PID1: variants seen among roughly 807,000 people sequenced by gnomAD.
PID1 encodes PTB-containing, cubilin and LRP1-interacting protein.
In PID1, 10 loss-of-function variants were observed where a neutral mutation model predicts 19.1. That is an observed-to-expected ratio of 0.52 (90% CI 0.32 to 0.89). PID1 has a LOEUF of 0.89. Among genes scored for constraint, PID1 ranks in the 40% least tolerant of loss-of-function variants. PID1 has a pLI of 0.03. For synonymous variants in PID1, 130 were observed against 116.0 expected (o/e 1.12, Z -0.78); for missense variants, 248 against 285.3 (o/e 0.87, Z 0.94).
rs75131862 is a variant in PID1, at chr2:229,189,284, G to A, written c.31-33320C>T. ...GCAGAATCAATTTACACACTACCTGGGCCAATGTGAGGTCAATGCACAGCC... is the reference window on the plus strand; with the variant it reads ...GCAGAATCAATTTACACACTACCTGAGCCAATGTGAGGTCAATGCACAGCC... On this transcript the variant is annotated intron_variant, in intron 1 of 2. Transcript: ENST00000392055. Among the ~76,000 whole-genome samples the A allele has an allele frequency of 1.3e-3, 196 of 152,232 alleles. 8 individuals are homozygous for A. The East Asian group carries it at 0.034, about 26-fold the overall frequency.
chr2:229,109,355 A>G (rs902676345), intron 2 of PID1, among the ~76,000 whole-genome samples: 1 of 152,226 alleles, frequency 6.6e-6, no homozygotes, highest in Non-Finnish European at 1.5e-5. Context: ...TCAAAAAAAA[A>G]GCATGAAATG....
intron 2 of PID1, among the ~76,000 whole-genome samples, chr2:229,095,709 C>A (rs1300343398): frequency 6.6e-6 from 1 of 152,054 alleles, no homozygotes; most frequent in Non-Finnish European, 1.5e-5. Flanking sequence ...TCATGCTGTA[C>A]CCAACATTTG....
intron 2 of PID1, among the ~76,000 whole-genome samples, chr2:229,142,005 GA>G (rs5839308): frequency 0.22 from 32,965 of 149,626 alleles, 4,021 homozygotes; most frequent in South Asian, 0.49. Flanking sequence ...GGGATGTAAT[GA>G]AAAAAAAAAT....
chr2:229,264,752 A>G (rs1690547243), intron 1 of PID1, among the ~76,000 whole-genome samples: 1 of 152,226 alleles, frequency 6.6e-6, no homozygotes, highest in East Asian at 1.9e-4. Context: ...ATACTAGGAA[A>G]TATATATTAA....
intron 1 of PID1, among the ~76,000 whole-genome samples, chr2:229,266,513 G>C (rs1313060885): frequency 1.3e-5 from 2 of 152,142 alleles, no homozygotes; most frequent in Admixed American, 6.5e-5. Context: ...CAGCCTCTCT[G>C]AGCCCACAAA....
At chr2:229,078,968 T>C (rs760443511) in intron 2 of PID1, among the ~76,000 whole-genome samples, 1 of 152,222 alleles carries the variant, frequency 6.6e-6, no homozygotes, top group Non-Finnish European at 1.5e-5. Flanking sequence ...GATAAAAATG[T>C]TTTATAACAT....
intron 2 of PID1, among the ~76,000 whole-genome samples, chr2:229,073,565 G>T (rs1315360478): frequency 6.6e-6 from 1 of 152,056 alleles, no homozygotes; most frequent in East Asian, 1.9e-4. Context: ...GTATTTTGGG[G>T]GATTTACAAG....
intron 2 of PID1, among the ~76,000 whole-genome samples, chr2:229,147,988 A>G (rs571479383): frequency 1.5e-4 from 23 of 152,300 alleles, no homozygotes; most frequent in South Asian, 2.1e-4. Flanking sequence ...CCCACCAATC[A>G]TAAGAGTGAC....
intron 1 of PID1, among the ~76,000 whole-genome samples, chr2:229,251,539 TTTATAA>T (rs749934388): frequency 2.6e-5 from 4 of 152,322 alleles, no homozygotes; most frequent in Non-Finnish European, 5.9e-5. Context: ...TCTGCTCATA[TTTATAA>T]TGTGAAAATT....
intron 1 of PID1, among the ~76,000 whole-genome samples, chr2:229,267,972 A>G (rs1328461730): frequency 6.6e-6 from 1 of 152,200 alleles, no homozygotes; most frequent in Admixed American, 6.5e-5. Flanking sequence ...TGAAAAGAGA[A>G]GAATTCATAT....
At chr2:229,041,447 A>T (rs1693768669) in intron 2 of PID1, among the ~76,000 whole-genome samples, 6 of 152,224 alleles carry the variant, frequency 3.9e-5, no homozygotes, top group Admixed American at 3.9e-4. Context: ...AATAAATTGT[A>T]GGAAGAAAAA....
At chr2:229,053,809 A>G (rs1006927701) in intron 2 of PID1, among the ~76,000 whole-genome samples, 1 of 152,224 alleles carries the variant, frequency 6.6e-6, no homozygotes, top group Non-Finnish European at 1.5e-5. Flanking sequence ...CATTCTTTCT[A>G]AAATGAAACC....
chr2:229,041,683 A>G (rs1331465011), intron 2 of PID1, among the ~76,000 whole-genome samples: 1 of 152,198 alleles, frequency 6.6e-6, no homozygotes, highest in East Asian at 1.9e-4. Context: ...TAAATTCTCA[A>G]TGGACAAATC....
chr2:229,259,579 T>C (rs940314694), intron 1 of PID1, among the ~76,000 whole-genome samples: 1 of 152,244 alleles, frequency 6.6e-6, no homozygotes, highest in African/African-American at 2.4e-5. Context: ...TTATGACCCA[T>C]TTTGAGTTAA....
At position 229,268,136 on chromosome 2, in the gene PID1, G is replaced by C. The variant is rs550641755; in HGVS notation, c.30+2878C>G. On this transcript the variant is annotated intron_variant, in intron 1 of 2. Transcript: ENST00000392055. ...GGAGCAGATGAACTTGCCTCGGTTT[G>C]TGTGACTGAATGAGAAATTACCCAG... 1.2e-4 allele frequency among the ~76,000 whole-genome samples: 19 copies of C among 152,318 alleles called. No individual in the cohort carries two copies. In the East Asian group the frequency reaches 3.3e-3, roughly 26 times the overall value.
intron 1 of PID1, among the ~76,000 whole-genome samples, chr2:229,185,558 G>GT (rs1407758541): frequency 1.3e-5 from 2 of 152,164 alleles, no homozygotes; most frequent in Non-Finnish European, 2.9e-5. Flanking sequence ...GTAAAGAGGA[G>GT]TAAGTCACAT....
At chr2:229,216,838 C>A (rs1691857357) in intron 1 of PID1, among the ~76,000 whole-genome samples, 1 of 152,038 alleles carries the variant, frequency 6.6e-6, no homozygotes, top group South Asian at 2.1e-4. Context: ...TTTCAAAATT[C>A]TCTCCTGAAA....
intron 1 of PID1, among the ~76,000 whole-genome samples, chr2:229,264,805 A>C (rs976098231): frequency 6.6e-6 from 1 of 152,232 alleles, no homozygotes; most frequent in African/African-American, 2.4e-5. Context: ...GAGTCCTCTA[A>C]GTTTACAACT....
chr2:229,146,764 A>C (rs1458605810), intron 2 of PID1, among the ~76,000 whole-genome samples: 1 of 152,176 alleles, frequency 6.6e-6, no homozygotes, highest in East Asian at 1.9e-4. Flanking sequence ...TCCAATCACA[A>C]GTGTCCTTAT....
Sources: gnomAD v4.1 joint callset for allele counts (sites outside exome capture counted in the v4.1 genomes callset) on GRCh38, gnomAD v4.1.1 for gene constraint, MANE v1.5 for transcripts, NCBI Gene and HGNC (gene_info 2026-07-23, HGNC 2026-07-21) for gene names.